Variants in TTBK1 observed in about 807,000 individuals in gnomAD.
TTBK1 encodes the protein tau-tubulin kinase 1.
A neutral mutation model predicts 108.5 loss-of-function variants in TTBK1; 34 were observed. The ratio of observed to expected loss-of-function variants is 0.31; its 90% CI spans 0.24 to 0.42. The LOEUF is 0.42. Ranked by LOEUF, TTBK1 falls within the 10% of genes least tolerant of loss-of-function variation. The probability of loss-of-function intolerance (pLI) is 1.00; values close to 1 mark genes in which losing one functional copy is unlikely to be tolerated. For synonymous variants in TTBK1, 809 were observed against 795.1 expected, an observed-to-expected ratio of 1.02 and a Z score of -0.29; for missense variants, 1,539 against 1,826.0, an observed-to-expected ratio of 0.84 and a Z score of 2.86.
In TTBK1 at chr6:43,283,543, G is replaced by C; in HGVS notation, c.2803G>C (p.Glu935Gln). 6.2e-7 allele frequency: 1 copy of C among 1,614,176 alleles called. No homozygotes were observed. Reference sequence around the variant, plus strand: ...TGAGAGGACCTTTGTGCACATTGCGGAGAAAACCCACCTCAACGTCATGTC... The same window carrying C: ...TGAGAGGACCTTTGTGCACATTGCGCAGAAAACCCACCTCAACGTCATGTC... ...KVERTFVHIAEKTHLNVMSSG... is the reference protein window; with the variant it reads ...KVERTFVHIAQKTHLNVMSSG... The change falls in exon 14 of 15, where the codon GAG (glutamate) becomes CAG (glutamine). Residue 935 changes from glutamate (E) to glutamine (Q), a missense_variant. Around this residue, in one of 5 missense-constraint regions of TTBK1, gnomAD observed 1,055 missense variants for 1,086.5 expected, o/e 0.97. Transcript: ENST00000259750. The surrounding 1 kb of genome is among the most constrained non-coding windows in gnomAD (Gnocchi z 8.1).
Position 43,263,291 on chromosome 6 carries a change from C to T in TTBK1, c.1927C>T (p.Leu643=), listed in dbSNP as rs1777595166. ...GCCTGGCAGCCCTTCCCACTCACCC[C>T]TGCACTCGGGACCCCGCCCTCGACG... is the stretch of plus-strand genomic sequence containing the variant. The part of the protein sequence containing the change: ...PTPGSPSHSP[L]HSGPRPRRRE... The change falls in exon 13 of 15, where the codon CTG becomes TTG. Residue 643 remains leucine (L), a synonymous_variant. Coordinates refer to ENST00000259750, the MANE Select transcript of TTBK1 (RefSeq NM_032538.3). This position sits in a 1 kb window ranked among gnomAD's most constrained non-coding sequence, Gnocchi z 4.7. The T allele has an allele frequency of 2.0e-6, 3 of 1,507,436 alleles. No individual in the cohort carries two copies. Among genetic ancestry groups the T allele is most frequent in the Non-Finnish European group, 2.7e-6 (3 of 1,125,520 alleles). 93.4% of individuals were successfully genotyped at this position (1,507,436 alleles called of 1,614,324 possible).
In TTBK1 at chr6:43,273,052, G is replaced by A. The variant is rs914642378; in HGVS notation, c.1987-9675G>A. Among the ~76,000 whole-genome samples, 5 of 152,166 alleles carry A rather than the reference G, an allele frequency of 3.3e-5. No individual in the cohort carries two copies. The highest frequency in any genetic ancestry group is 6.5e-5 in the Admixed American group (1 of 15,280). ...CACAGTGCTTATTATGTGCCAGGCA[G>A]CGATCTAAGCACTTTACAAAATTAA... is the stretch of plus-strand genomic sequence containing the variant. On this transcript the variant is annotated intron_variant, in intron 13 of 14. Coordinates refer to ENST00000259750, the MANE Select transcript of TTBK1 (RefSeq NM_032538.3). The surrounding 1 kb of genome is among the most constrained non-coding windows in gnomAD (Gnocchi z 4.2).
In TTBK1 at chr6:43,266,998, C is replaced by CGTGTGTGT. The variant is rs3997628; in HGVS notation, c.1986+3695_1986+3702dup. ...AGGATCAGAGAGAGCCTGGAGCATG[C>CGTGTGTGT]GTGTGTGTGTGTGTGTGTGTGTGTG... On this transcript the variant is annotated intron_variant, in intron 13 of 14. Coordinates refer to ENST00000259750, the MANE Select transcript of TTBK1 (RefSeq NM_032538.3). 5.6e-3 allele frequency among the ~76,000 whole-genome samples: 724 copies of CGTGTGTGT among 128,198 alleles called. 7 individuals carry two copies. The highest frequency in any genetic ancestry group is 0.01 in the East Asian group (42 of 4,106). The allele number at this position is 128,198 out of a possible 152,430, so 84.1% of individuals were successfully genotyped here.
At position 43,255,830 on chromosome 6, in the gene TTBK1, G is replaced by C. The variant is rs751541280; in HGVS notation, c.835G>C (p.Asp279His). ...HLFLDHIASL[D>H]YFTKPDYQLI... is the part of the protein sequence containing the mutation. ...CTTCCTGGACCACATTGCCAGCCTCGACTACTTCACCAAGCCCGACTACCA... is the reference window on the plus strand; with the variant it reads ...CTTCCTGGACCACATTGCCAGCCTCCACTACTTCACCAAGCCCGACTACCA... Residue 279 changes from aspartate to histidine, a missense_variant, in exon 9 of 15, where the codon GAC becomes CAC. By Grantham distance (81) the Asp-to-His change is moderately conservative. Around this residue, in one of 5 missense-constraint regions of TTBK1, gnomAD observed 155 missense variants for 348.5 expected, o/e 0.44. Coordinates refer to ENST00000259750, the MANE Select transcript of TTBK1 (RefSeq NM_032538.3). The C allele has an allele frequency of 1.2e-6, 2 of 1,614,006 alleles. No individual in the cohort carries two copies. The highest frequency in any genetic ancestry group is 1.7e-6 in the Non-Finnish European group (2 of 1,179,994).
Position 43,263,424 on chromosome 6 carries a change from A to G in TTBK1, c.1986+74A>G. 2 of 1,374,264 alleles carry G rather than the reference A, an allele frequency of 1.5e-6. No individual in the cohort carries two copies. Among genetic ancestry groups the G allele is most frequent in the South Asian group, 1.6e-5 (1 of 60,936 alleles). 85.1% of individuals were successfully genotyped at this position (1,374,264 alleles called of 1,614,324 possible). A position where few individuals can be genotyped will look rare whatever the true frequency, so the allele number is the denominator to read the frequency against. ...CTGGTGTGTAGGCCTGGGGTGCTCC[A>G]TGTGTGCTGGCACTACTGACCAGTA... On this transcript the variant is annotated intron_variant, in intron 13 of 14. Transcript: ENST00000259750. The surrounding 1 kb of genome is among the most constrained non-coding windows in gnomAD (Gnocchi z 4.7).
At chr6:43,261,901 T>C (rs1000941238) in intron 12 of TTBK1, among the ~76,000 whole-genome samples, 1 of 151,640 alleles carries the variant, frequency 6.6e-6, no homozygotes, top group Non-Finnish European at 1.5e-5. Flanking sequence ...ACCCAGGCCC[T>C]GCGCAGCAGA....
chr6:43,276,280 G>GCA lies in TTBK1; in HGVS notation c.1987-6439_1987-6438dup, dbSNP rs1777995588. On this transcript the variant is annotated intron_variant, in intron 13 of 14. Transcript: ENST00000259750. The surrounding 1 kb of genome is among the most constrained non-coding windows in gnomAD (Gnocchi z 5.4). ...CTCAAAACCACACACACGCTCACAC[G>GCA]CACACACACGCACACGAAGATGGGA... 6.6e-6 allele frequency among the ~76,000 whole-genome samples: 1 copy of GCA among 152,078 alleles called. No homozygotes were observed. Among genetic ancestry groups the GCA allele is most frequent in the Admixed American group, 6.5e-5 (1 of 15,274 alleles).
intron 5 of TTBK1, 103 bp from the exon 6 acceptor site, chr6:43,254,444 G>A: frequency 1.3e-6 from 1 of 752,350 alleles, no homozygotes; most frequent in Non-Finnish European, 2.1e-6. Context: ...GTGAATGTGG[G>A]GCTGAAAGCC....
At chr6:43,280,345 G>T (rs1778122221) in intron 13 of TTBK1, among the ~76,000 whole-genome samples, 1 of 152,202 alleles carries the variant, frequency 6.6e-6, no homozygotes, top group Non-Finnish European at 1.5e-5. Context: ...CTGGGGTTGG[G>T]GAGGGGGCCA....
chr6:43,283,075 G>T lies in TTBK1; in HGVS notation c.2335G>T (p.Gly779Trp), dbSNP rs1465838114. The T allele has an allele frequency of 1.3e-6, 2 of 1,587,692 alleles. No individual in the cohort carries two copies. Among genetic ancestry groups the T allele is most frequent in the African/African-American group, 1.3e-5 (1 of 74,388 alleles). The change falls in exon 14 of 15, where the codon GGG becomes TGG. Residue 779 changes from glycine to tryptophan, a missense_variant. This residue lies in a region of TTBK1 where 1,055 missense variants were observed against 1,086.5 expected (regional missense o/e 0.97). Coordinates refer to ENST00000259750, the MANE Select transcript of TTBK1 (RefSeq NM_032538.3). The surrounding 1 kb of genome is among the most constrained non-coding windows in gnomAD (Gnocchi z 8.1). ...GGAGGCTGCAGCGGCAGTTGCCTTG[G>T]GGGAGGTGCTGGGGCCTCGTAGTGG... ...EEEAAAAVAL[G>W]EVLGPRSGSS...
At chr6:43,247,252 C>G (rs1293640875) in intron 2 of TTBK1, among the ~76,000 whole-genome samples, 1 of 152,218 alleles carries the variant, frequency 6.6e-6, no homozygotes, top group Non-Finnish European at 1.5e-5. Context: ...GCCTCCTCCC[C>G]TCGCCGGGTC....
At chr6:43,271,770 T>TATTA in intron 13 of TTBK1, 1 of 979,528 alleles carries the variant, frequency 1.0e-6, no homozygotes, top group Non-Finnish European at 1.2e-6. Context: ...TCTATTTATT[T>TATTA]ATTTATTTAT....
intron 13 of TTBK1, among the ~76,000 whole-genome samples, chr6:43,278,899 TG>T (rs796318963): frequency 1.5e-4 from 23 of 152,258 alleles, no homozygotes; most frequent in African/African-American, 5.5e-4. Flanking sequence ...TAGGTTGGTG[TG>T]GGGGTGGCAG....
At chr6:43,272,896 C>T (rs961950475) in intron 13 of TTBK1, among the ~76,000 whole-genome samples, 1 of 152,074 alleles carries the variant, frequency 6.6e-6, no homozygotes, top group Non-Finnish European at 1.5e-5. Flanking sequence ...GTAGCCTCCT[C>T]GGGGTCAGCT....
At chr6:43,271,264 G>A (rs974995831) in intron 13 of TTBK1, 40 of 985,372 alleles carry the variant, frequency 4.1e-5, no homozygotes, top group East Asian at 3.4e-4. Context: ...GTGTGCATGC[G>A]CGTACACTTG....
chr6:43,270,819 G>A, intron 13 of TTBK1: 1 of 985,466 alleles, frequency 1.0e-6, no homozygotes, highest in Non-Finnish European at 1.2e-6. Flanking sequence ...TGTTAAGGAT[G>A]ACGTGAGAAA....
chr6:43,251,918 T>A (rs1001506280), intron 2 of TTBK1, among the ~76,000 whole-genome samples: 2 of 152,170 alleles, frequency 1.3e-5, no homozygotes, highest in Non-Finnish European at 2.9e-5. Context: ...CTCCTTCTTG[T>A]GACTCTTGGG....
chr6:43,252,263 C>G (rs145874586), intron 2 of TTBK1, among the ~76,000 whole-genome samples: 8 of 150,598 alleles, frequency 5.3e-5, no homozygotes, highest in Non-Finnish European at 1.2e-4. Context: ...TCCCAGGGCA[C>G]TAGGAGAGGA....
At chr6:43,275,722 G>A (rs1777964230) in intron 13 of TTBK1, among the ~76,000 whole-genome samples, 1 of 150,936 alleles carries the variant, frequency 6.6e-6, no homozygotes, top group East Asian at 2.0e-4. Context: ...GCCCCAATCC[G>A]CGTCCCCTGC....
Sources: gnomAD v4.1 joint callset for allele counts (sites outside exome capture counted in the v4.1 genomes callset) on GRCh38, gnomAD v4.1.1 for gene constraint, gnomAD v4.1.1 regional missense constraint, Gnocchi (gnomAD v3.1) non-coding constraint, MANE v1.5 for transcripts, NCBI Gene and HGNC (gene_info 2026-07-23, HGNC 2026-07-21) for gene names.